GPC5: variants seen among roughly 807,000 people sequenced by gnomAD.
GPC5 encodes glypican-5.
GPC5 carries 47 observed loss-of-function variants against 53.9 expected under a neutral mutation model. The observed-to-expected ratio is 0.87, with a 90% confidence interval of 0.69 to 1.11. The LOEUF (loss-of-function observed/expected upper bound fraction) is 1.11, where lower values mean the gene tolerates loss of function less well. Ranked by LOEUF, GPC5 falls within the 50% of genes most tolerant of loss-of-function variation. The pLI, the probability that GPC5 is intolerant of heterozygous loss-of-function variation, is 0.00. For synonymous variants in GPC5, 286 were observed against 263.3 expected, an observed-to-expected ratio of 1.09 and a Z score of -0.84; for missense variants, 748 against 713.1, an observed-to-expected ratio of 1.05 and a Z score of -0.56.
chr13:92,564,351 T>A (rs577362459), intron 7 of GPC5, among the ~76,000 whole-genome samples: 1 of 151,830 alleles, frequency 6.6e-6, no homozygotes, highest in East Asian at 1.9e-4. Context: ...ACAATTGGAG[T>A]TTTTCTATTG....
intron 6 of GPC5, among the ~76,000 whole-genome samples, chr13:92,036,322 T>G (rs1166847796): frequency 1.3e-5 from 2 of 152,202 alleles, no homozygotes; most frequent in Non-Finnish European, 2.9e-5. Flanking sequence ...AAGATATCAT[T>G]TTATGGGATA....
chr13:92,432,602 C>T (rs1281358747), intron 7 of GPC5, among the ~76,000 whole-genome samples: 3 of 151,438 alleles, frequency 2.0e-5, no homozygotes, highest in Non-Finnish European at 2.9e-5. Context: ...GTCTTGATCT[C>T]CTGACCTCGT....
chr13:91,786,318 T>C (rs2037878137), intron 5 of GPC5, among the ~76,000 whole-genome samples: 1 of 152,216 alleles, frequency 6.6e-6, no homozygotes, highest in Non-Finnish European at 1.5e-5. Context: ...TTTCTCAGAA[T>C]AAACTTGAAA....
rs540568465 is a variant in GPC5 at position 91,566,405 on chromosome 13, A to G, written c.325+117483A>G. Among the ~76,000 whole-genome samples the G allele has an allele frequency of 2.6e-5, 4 of 152,224 alleles. No individual in the cohort carries two copies. In the South Asian group the frequency reaches 8.3e-4, roughly 32 times the overall value. The stretch of plus-strand genomic sequence containing the variant: ...ATGGTGAAACCCTGTTTCTACTAAA[A>G]TACAAAAAATTAGCCGGGCGTGGTG... On this transcript the variant is annotated intron_variant, in intron 2 of 7. Coordinates refer to ENST00000377067, the MANE Select transcript of GPC5 (RefSeq NM_004466.6).
At chr13:92,277,747 C>G (rs887298522) in intron 7 of GPC5, among the ~76,000 whole-genome samples, 14 of 151,964 alleles carry the variant, frequency 9.2e-5, no homozygotes, top group African/African-American at 3.4e-4. Flanking sequence ...CTGCAGACAA[C>G]TTGTTTCTAC....
intron 7 of GPC5, among the ~76,000 whole-genome samples, chr13:92,685,395 A>G (rs1887232084): frequency 6.6e-6 from 1 of 152,066 alleles, no homozygotes; most frequent in Non-Finnish European, 1.5e-5. Flanking sequence ...GTAGCCAGCC[A>G]GATCTAATAT....
At chr13:92,355,787 C>T (rs191479117) in intron 7 of GPC5, among the ~76,000 whole-genome samples, 26 of 152,140 alleles carry the variant, frequency 1.7e-4, no homozygotes, top group Admixed American at 7.9e-4. Flanking sequence ...TTCAAGCACC[C>T]GCTCACTACT....
At chr13:91,497,460 T>G (rs1226077220) in intron 2 of GPC5, among the ~76,000 whole-genome samples, 1 of 152,216 alleles carries the variant, frequency 6.6e-6, no homozygotes, top group Non-Finnish European at 1.5e-5. Context: ...GAGATGACAA[T>G]TTTTTAGTTG....
chr13:92,698,960 T>G (rs1887642855), intron 7 of GPC5, among the ~76,000 whole-genome samples: 1 of 151,934 alleles, frequency 6.6e-6, no homozygotes, highest in Non-Finnish European at 1.5e-5. Flanking sequence ...ATCAAATGAG[T>G]TAGGGATAGC....
chr13:91,835,919 C>A (rs2038719072), intron 5 of GPC5, among the ~76,000 whole-genome samples: 1 of 152,014 alleles, frequency 6.6e-6, no homozygotes, highest in East Asian at 1.9e-4. Flanking sequence ...TCCATTATGA[C>A]AGAGGAAAAC....
Position 91,436,404 on chromosome 13 carries a change from T to G in GPC5, c.164-12357T>G, listed in dbSNP as rs569941691. Among the ~76,000 whole-genome samples, 4 of 152,202 alleles carry G rather than the reference T, an allele frequency of 2.6e-5. No individual in the cohort carries two copies. In the East Asian group the frequency reaches 7.7e-4, roughly 29 times the overall value. On this transcript the variant is annotated intron_variant, in intron 1 of 7. Transcript: ENST00000377067. ...ATGTTGTGTCTTTGTTCTCGTTGGT[T>G]TCAAAGAACATCTTTATTTCTGCCT...
chr13:91,777,635 A>G (rs1391027292), intron 5 of GPC5, among the ~76,000 whole-genome samples: 1 of 152,158 alleles, frequency 6.6e-6, no homozygotes, highest in African/African-American at 2.4e-5. Context: ...TACAAAATTT[A>G]TTGTATTTTA....
intron 7 of GPC5, among the ~76,000 whole-genome samples, chr13:92,213,168 CT>C (rs1448883247): frequency 6.6e-6 from 1 of 152,296 alleles, no homozygotes; most frequent in South Asian, 2.1e-4. Flanking sequence ...TTTGATTGCC[CT>C]GAATAATAGA....
chr13:92,489,830 T>C (rs1364643948), intron 7 of GPC5, among the ~76,000 whole-genome samples: 1 of 151,358 alleles, frequency 6.6e-6, no homozygotes, highest in Non-Finnish European at 1.5e-5. Context: ...AGGAAGGAAC[T>C]CTTGGTTGAA....
chr13:92,450,662 G>A (rs1878024029), intron 7 of GPC5, among the ~76,000 whole-genome samples: 1 of 152,174 alleles, frequency 6.6e-6, no homozygotes. Context: ...GTGACAGAGA[G>A]AACATGTAAC....
At chr13:92,753,163 A>C (rs147837963) in intron 7 of GPC5, among the ~76,000 whole-genome samples, 21,731 of 152,098 alleles carry the variant, frequency 0.14, 1,949 homozygotes, top group East Asian at 0.37. Context: ...ACTGCCTCCT[A>C]AAGTGGGTCC....
intron 3 of GPC5, among the ~76,000 whole-genome samples, chr13:91,699,950 G>A (rs1228192760): frequency 6.6e-6 from 1 of 151,936 alleles, no homozygotes; most frequent in Non-Finnish European, 1.5e-5. Flanking sequence ...TTTCAGATAT[G>A]GAATGAGATG....
chr13:92,403,006 TTAAG>T (rs1294094230), intron 7 of GPC5, among the ~76,000 whole-genome samples: 2 of 152,184 alleles, frequency 1.3e-5, no homozygotes, highest in African/African-American at 4.8e-5. Flanking sequence ...CCTGAGAATG[TTAAG>T]TATGTCAAAT....
intron 7 of GPC5, among the ~76,000 whole-genome samples, chr13:92,148,327 G>T (rs2041883125): frequency 6.6e-6 from 1 of 151,964 alleles, no homozygotes; most frequent in South Asian, 2.1e-4. Flanking sequence ...TGACAGAGGG[G>T]TCTCTATATT....
Sources: allele counts gnomAD v4.1 joint callset (sites outside exome capture counted in the v4.1 genomes callset), GRCh38; gene constraint gnomAD v4.1.1; transcripts MANE v1.5; gene names NCBI Gene and HGNC (gene_info 2026-07-23, HGNC 2026-07-21).